Variants in DAPK2 observed in about 807,000 individuals in gnomAD.
DAPK2 encodes death-associated protein kinase 2.
Under a neutral mutation model 44.1 loss-of-function variants are expected in DAPK2, and 35 were observed. That is an observed-to-expected ratio of 0.79 (90% CI 0.61 to 1.05). The LOEUF (loss-of-function observed/expected upper bound fraction) is 1.05. Ranked by LOEUF, DAPK2 falls within the 50% of genes least tolerant of loss-of-function variation. The pLI is 0.00. For synonymous variants in DAPK2, 174 were observed against 182.6 expected (o/e 0.95, Z 0.38); for missense variants, 453 against 483.2 (o/e 0.94, Z 0.59).
intron 1 of DAPK2, among the ~76,000 whole-genome samples, chr15:63,992,338 TACCACCC>T (rs1405446210): frequency 6.6e-6 from 1 of 151,940 alleles, no homozygotes; most frequent in Admixed American, 6.5e-5. Flanking sequence ...GCTTGGAAGG[TACCACCC>T]ACCACCCACC....
chr15:63,967,311 G>A (rs905936178), intron 3 of DAPK2, among the ~76,000 whole-genome samples: 8 of 152,220 alleles, frequency 5.3e-5, no homozygotes, highest in Non-Finnish European at 1.2e-4. Context: ...TGTTCTTGCA[G>A]GGAGGGTGAT....
chr15:63,942,227 G>C (rs1595765406), intron 3 of DAPK2: 1 of 985,380 alleles, frequency 1.0e-6, no homozygotes, highest in East Asian at 1.1e-4. Context: ...ACACAGTCCA[G>C]GAGAGATGGT....
intron 3 of DAPK2, among the ~76,000 whole-genome samples, chr15:63,956,900 A>C (rs2077739872): frequency 6.6e-6 from 1 of 152,180 alleles, no homozygotes; most frequent in Non-Finnish European, 1.5e-5. Flanking sequence ...AATTTTTTAA[A>C]GACTTTTATT....
intron 1 of DAPK2, among the ~76,000 whole-genome samples, chr15:64,027,432 G>C (rs937411773): frequency 1.1e-4 from 17 of 151,740 alleles, no homozygotes; most frequent in Non-Finnish European, 2.1e-4. Context: ...AGCCAGGTAT[G>C]GTGGCACATA....
chr15:63,962,919 C>T (rs141331616), intron 3 of DAPK2, among the ~76,000 whole-genome samples: 4,285 of 152,352 alleles, frequency 0.028, 91 homozygotes, highest in South Asian at 0.092. Context: ...TTTCTGCTGC[C>T]TTTTATTCAG....
At chr15:63,941,499 G>A (rs1360317648) in intron 3 of DAPK2, among the ~76,000 whole-genome samples, 2 of 152,170 alleles carry the variant, frequency 1.3e-5, no homozygotes, top group Non-Finnish European at 2.9e-5. Context: ...CTAGCTGTTA[G>A]CTGAACTGAT....
At chr15:63,975,921 G>A (rs2078333876) in intron 2 of DAPK2, among the ~76,000 whole-genome samples, 1 of 152,126 alleles carries the variant, frequency 6.6e-6, no homozygotes, top group African/African-American at 2.4e-5. Context: ...GGCTAAAATG[G>A]CTCCAACCCA....
intron 4 of DAPK2, among the ~76,000 whole-genome samples, chr15:63,934,861 T>C (rs557494047): frequency 6.6e-6 from 1 of 152,204 alleles, no homozygotes; most frequent in African/African-American, 2.4e-5. Context: ...CGCCCAGCCA[T>C]CATCACAATT....
chr15:63,970,216 C>T (rs1300410390), intron 3 of DAPK2, among the ~76,000 whole-genome samples: 1 of 152,230 alleles, frequency 6.6e-6, no homozygotes, highest in Non-Finnish European at 1.5e-5. Flanking sequence ...AGTGCAAGCT[C>T]CTTGGCTTAG....
chr15:64,025,543 C>G (rs774045280), intron 1 of DAPK2, among the ~76,000 whole-genome samples: 45 of 152,236 alleles, frequency 3.0e-4, no homozygotes, highest in Non-Finnish European at 5.6e-4. Context: ...CCTTCACTTT[C>G]ATCTTCACCC....
intron 1 of DAPK2, among the ~76,000 whole-genome samples, chr15:64,033,221 C>T (rs930379396): frequency 6.9e-6 from 1 of 144,838 alleles, no homozygotes; most frequent in African/African-American, 2.6e-5. Context: ...GACTGAACCA[C>T]TGCACTCCAG....
At chr15:63,930,507 G>C in intron 4 of DAPK2, 52 bp from the exon 6 acceptor site, 1 of 1,575,056 alleles carries the variant, frequency 6.3e-7, no homozygotes, top group African/African-American at 1.3e-5. Flanking sequence ...TGAGAGGAGA[G>C]ATGGTTTTAG....
chr15:63,992,546 G>A (rs904695582), intron 1 of DAPK2, among the ~76,000 whole-genome samples: 4 of 152,192 alleles, frequency 2.6e-5, no homozygotes, highest in Admixed American at 6.5e-5. Context: ...ATATAGCCTG[G>A]GCATGAAAGA....
At chr15:64,022,986 C>T (rs146484863) in intron 1 of DAPK2, among the ~76,000 whole-genome samples, 1 of 152,318 alleles carries the variant, frequency 6.6e-6, no homozygotes, top group Non-Finnish European at 1.5e-5. Context: ...CAGAAATTTT[C>T]TGGCAAAAGT....
chr15:63,912,934 T>C lies in DAPK2; in HGVS notation c.859-737A>G, dbSNP rs973856518. On this transcript the variant is annotated intron_variant, in intron 8 of 10. Coordinates refer to ENST00000261891, the Ensembl canonical transcript of DAPK2. The surrounding 1 kb of genome is among the most constrained non-coding windows in gnomAD (Gnocchi z 4.4). ...CACCCCCCTTTTGTAAAATAAGGTT[T>C]TGTGAAATCAAGAGATAGGTTTCAG... Among the ~76,000 whole-genome samples, 7 of 152,190 alleles carry C rather than the reference T, an allele frequency of 4.6e-5. No homozygotes were observed. Among genetic ancestry groups the C allele is most frequent in the African/African-American group, 1.7e-4 (7 of 41,448 alleles).
chr15:63,959,902 T>G (rs193154850), intron 3 of DAPK2, among the ~76,000 whole-genome samples: 2 of 152,212 alleles, frequency 1.3e-5, no homozygotes, highest in Non-Finnish European at 2.9e-5. Context: ...TCTTTTTCTA[T>G]TGATTGGAAT....
chr15:63,972,326 G>A (rs1323296540), intron 2 of DAPK2, among the ~76,000 whole-genome samples: 9 of 152,204 alleles, frequency 5.9e-5, no homozygotes, highest in Admixed American at 3.9e-4. Flanking sequence ...ACAAGTAGAG[G>A]CTGGAAGAGG....
rs370508207 is a variant in DAPK2, at chr15:64,000,931, G to A, written c.93-17177C>T. Among the ~76,000 whole-genome samples the A allele has an allele frequency of 7.9e-5, 12 of 152,144 alleles. No homozygotes were observed. The East Asian group carries it at 2.3e-3, about 29-fold the overall frequency. Reference sequence around the variant, plus strand: ...TCTCGCTCTTGTCACCGAGGCTGGAGTGCAATGGTGTGATCTTGGCTTGCT... The same window carrying A: ...TCTCGCTCTTGTCACCGAGGCTGGAATGCAATGGTGTGATCTTGGCTTGCT... On this transcript the variant is annotated intron_variant, in intron 1 of 10. Transcript: ENST00000261891.
At chr15:64,028,045 T>TCTACCTAC (rs1555483140) in intron 1 of DAPK2, among the ~76,000 whole-genome samples, 3,771 of 151,910 alleles carry the variant, frequency 0.025, 69 homozygotes, top group South Asian at 0.089. Context: ...TATCTATCTA[T>TCTACCTAC]CTATCTATCT....
Sources: gnomAD v4.1 joint callset for allele counts (sites outside exome capture counted in the v4.1 genomes callset) on GRCh38, gnomAD v4.1.1 for gene constraint, Gnocchi (gnomAD v3.1) non-coding constraint, MANE v1.5 for transcripts, NCBI Gene and HGNC (gene_info 2026-07-23, HGNC 2026-07-21) for gene names.